The following RAD50 variants were observed in gnomAD, a reference collection of about 807,000 sequenced individuals.
RAD50 encodes RAD50 double strand break repair protein.
RAD50 carries 132 observed loss-of-function variants against 168.8 expected under a neutral mutation model. The ratio of observed to expected loss-of-function variants is 0.78; its 90% CI spans 0.68 to 0.90. The LOEUF (loss-of-function observed/expected upper bound fraction) is 0.90, where lower values mean the gene tolerates loss of function less well. Ranked by LOEUF, RAD50 falls within the 40% of genes least tolerant of loss-of-function variation. RAD50 has a pLI of 0.00. For missense variants in RAD50, 1,347 were observed against 1,534.4 expected, an observed-to-expected ratio of 0.88 and a Z score of 2.04; for synonymous variants, 525 against 497.4, an observed-to-expected ratio of 1.06 and a Z score of -0.74.
intron 16 of RAD50, among the ~76,000 whole-genome samples, chr5:132,605,892 C>T (rs560097204): frequency 3.3e-5 from 5 of 152,164 alleles, no homozygotes; most frequent in African/African-American, 9.6e-5. Flanking sequence ...GGTTAAATAA[C>T]GAAATGAAGG....
chr5:132,620,220 A>G (rs994529877), intron 21 of RAD50, among the ~76,000 whole-genome samples: 3 of 152,214 alleles, frequency 2.0e-5, no homozygotes, highest in East Asian at 1.9e-4. Flanking sequence ...ATTTTTGTCT[A>G]AAAGTTTTAA....
rs961209435 is a variant in RAD50, at chr5:132,557,208, C to T, written c.-117C>T. 2.8e-5 allele frequency: 40 copies of T among 1,430,578 alleles called. No individual in the cohort carries two copies. The highest frequency in any genetic ancestry group is 3.8e-5 in the Non-Finnish European group (39 of 1,017,950). The allele number at this position is 1,430,578 out of a possible 1,614,324, so 88.6% of individuals were successfully genotyped here. ...GCAGTCCTGTGGCCTCGCTCCCCGC[C>T]CGGATCCTCCTGACCCTGAGATTCG... On this transcript the variant is annotated 5_prime_UTR_variant, in exon 1 of 25. Coordinates refer to ENST00000378823, the MANE Select transcript of RAD50 (RefSeq NM_005732.4).
intron 21 of RAD50, chr5:132,631,019 G>C (rs1751453701): frequency 6.6e-6 from 1 of 151,770 alleles, no homozygotes; most frequent in Admixed American, 6.6e-5. Flanking sequence ...GATTGTTACT[G>C]AAATTTTTAA....
At chr5:132,628,373 A>T (rs1402309731) in intron 21 of RAD50, among the ~76,000 whole-genome samples, 1 of 152,228 alleles carries the variant, frequency 6.6e-6, no homozygotes, top group Non-Finnish European at 1.5e-5. Context: ...GGTATCTTGA[A>T]AACCAAGTGA....
chr5:132,605,004 G>T lies in RAD50; in HGVS notation c.2718+5G>T. ...TCTTTGTACAGAGAGATAAAGGTAA[G>T]AATATCCATACATGTTTTTTGTAAA... On this transcript the variant is annotated splice_donor_5th_base_variant and intron_variant, in intron 16 of 24. Transcript: ENST00000378823. The T allele has an allele frequency of 6.3e-7, 1 of 1,577,880 alleles. No homozygotes were observed. Among genetic ancestry groups the T allele is most frequent in the South Asian group, 1.1e-5 (1 of 88,246 alleles).
At position 132,588,080 on chromosome 5, in the gene RAD50, G is replaced by A. The variant is rs764034690; in HGVS notation, c.1042G>A (p.Val348Ile). 1 of 1,611,342 alleles carries A rather than the reference G, an allele frequency of 6.2e-7. No homozygotes were observed. The highest frequency in any genetic ancestry group is 2.2e-5 in the East Asian group (1 of 44,750). Residue 348 changes from valine to isoleucine, a missense_variant, in exon 7 of 25, where the codon GTT becomes ATT. Physicochemically the swap from Val to Ile is conservative, Grantham distance 29. Coordinates refer to ENST00000378823, the MANE Select transcript of RAD50 (RefSeq NM_005732.4). Reference sequence around the variant, plus strand: ...CAATCAGGAAAAATCAGAACTGCTTGTTGAACAGGGTAGGACAAAATGTTT... The same window carrying A: ...CAATCAGGAAAAATCAGAACTGCTTATTGAACAGGGTAGGACAAAATGTTT... ...LLNQEKSELL[V>I]EQGRLQLQAD...
intron 20 of RAD50, among the ~76,000 whole-genome samples, chr5:132,616,548 A>T (rs751457867): frequency 3.3e-5 from 5 of 152,148 alleles, no homozygotes; most frequent in Non-Finnish European, 7.4e-5. Context: ...TCTCATTTGT[A>T]ATTATGTGTC....
chr5:132,608,216 A>G (rs951619494), intron 16 of RAD50, among the ~76,000 whole-genome samples: 3 of 152,246 alleles, frequency 2.0e-5, no homozygotes, highest in Non-Finnish European at 2.9e-5. Context: ...TGCAGCAGTG[A>G]CGGGCACCTA....
Position 132,638,092 on chromosome 5 carries a change from A to T in RAD50, c.3487A>T (p.Ile1163Leu), listed in dbSNP as rs1294482423. The T allele has an allele frequency of 3.1e-6, 5 of 1,614,154 alleles. No individual in the cohort carries two copies. Among genetic ancestry groups the T allele is most frequent in the Non-Finnish European group, 4.2e-6 (5 of 1,179,956 alleles). The change falls in exon 23 of 25, where the codon ATA becomes TTA. Residue 1163 changes from isoleucine (I) to leucine (L), a missense_variant. By Grantham distance (5) the Ile-to-Leu change is conservative (BLOSUM62 2). Transcript: ENST00000378823. ...TCTTCCTGTGTCAGATATTGAATAC[A>T]TAGAAATACGGTCTGATGCCGATGA... The part of the protein sequence containing the change: ...STYRGQDIEY[I>L]EIRSDADENV...
Position 132,591,988 on chromosome 5 carries a change from A to G in RAD50, c.1747A>G (p.Lys583Glu), listed in dbSNP as rs1580994940. ...KKQLEDWLHS[K>E]SKEINQTRDR... The stretch of plus-strand genomic sequence containing the variant: ...ACAGCTTGAAGACTGGCTACATAGT[A>G]AATCAAAAGAAATTAATCAGACCAG... Residue 583 changes from lysine to glutamate, a missense_variant, in exon 11 of 25, where the codon AAA (lysine) becomes GAA (glutamate). This residue lies in a region of RAD50 where 703 missense variants were observed against 767.7 expected (regional missense o/e 0.92). Coordinates refer to ENST00000378823, the MANE Select transcript of RAD50 (RefSeq NM_005732.4). 1 of 1,613,194 alleles carries G rather than the reference A, an allele frequency of 6.2e-7. No homozygotes were observed. Among genetic ancestry groups the G allele is most frequent in the Non-Finnish European group, 8.5e-7 (1 of 1,179,330 alleles).
intron 5 of RAD50, among the ~76,000 whole-genome samples, chr5:132,580,968 A>T (rs902928122): frequency 7.9e-5 from 12 of 152,102 alleles, no homozygotes; most frequent in African/African-American, 2.7e-4. Flanking sequence ...ATATATATAT[A>T]TTTTTAATGA....
At chr5:132,622,285 C>T (rs1270838655) in intron 21 of RAD50, among the ~76,000 whole-genome samples, 1 of 152,084 alleles carries the variant, frequency 6.6e-6, no homozygotes, top group East Asian at 1.9e-4. Context: ...CTCAGCCTCC[C>T]AGATAGCTGG....
At chr5:132,565,350 A>C (rs951362498) in intron 2 of RAD50, among the ~76,000 whole-genome samples, 8 of 151,880 alleles carry the variant, frequency 5.3e-5, no homozygotes, top group African/African-American at 1.9e-4. Flanking sequence ...TAATATATTG[A>C]CTTAATCAAT....
chr5:132,588,631 T>C, intron 7 of RAD50, 56 bp from the exon 8 acceptor site: 1 of 1,496,834 alleles, frequency 6.7e-7, no homozygotes, highest in South Asian at 1.2e-5. Context: ...TCTGCAGCTA[T>C]CTCAACTTTT....
rs876659395 is a variant in RAD50 at position 132,557,426 on chromosome 5, G to C, written c.102G>C (p.Leu34Phe). 1 of 1,614,202 alleles carries C rather than the reference G, an allele frequency of 6.2e-7. No individual in the cohort carries two copies. Among genetic ancestry groups the C allele is most frequent in the South Asian group, 1.1e-5 (1 of 91,088 alleles). The change falls in exon 1 of 25, where the codon TTG (leucine) becomes TTC (phenylalanine). Residue 34 changes from leucine to phenylalanine, a missense_variant. This residue lies in a region of RAD50 where 703 missense variants were observed against 767.7 expected (regional missense o/e 0.92). Coordinates refer to ENST00000378823, the MANE Select transcript of RAD50 (RefSeq NM_005732.4). The part of the protein sequence containing the change: ...IITFFSPLTI[L>F]VGPNGAGKTT... ...CTTTCTTCAGCCCCCTTACAATTTTGGTTGGACCCAATGGGGCGGGAAAGA... is the reference window on the plus strand; with the variant it reads ...CTTTCTTCAGCCCCCTTACAATTTTCGTTGGACCCAATGGGGCGGGAAAGA...
At chr5:132,592,363 G>C (rs1265599996) in intron 11 of RAD50, among the ~76,000 whole-genome samples, 1 of 152,058 alleles carries the variant, frequency 6.6e-6, no homozygotes, top group Admixed American at 6.6e-5. Flanking sequence ...CATAAAAATG[G>C]GTGCCCTTTA....
At chr5:132,627,662 T>G (rs1344601220) in intron 21 of RAD50, among the ~76,000 whole-genome samples, 1 of 152,222 alleles carries the variant, frequency 6.6e-6, no homozygotes, top group African/African-American at 2.4e-5. Context: ...TCCCAGAGTA[T>G]GTCATGCCTT....
At chr5:132,616,166 G>T (rs768629514) in intron 20 of RAD50, 36 bp downstream of exon 20, 1 of 1,588,110 alleles carries the variant, frequency 6.3e-7, no homozygotes, top group South Asian at 1.1e-5. Context: ...TTAAATAAAC[G>T]TCTTTATTAC....
intron 13 of RAD50, among the ~76,000 whole-genome samples, chr5:132,600,874 T>G (rs1047220259): frequency 2.6e-5 from 4 of 152,224 alleles, no homozygotes; most frequent in Admixed American, 6.5e-5. Flanking sequence ...ATTTAATCAT[T>G]GTGCATTGTG....
Sources: allele counts gnomAD v4.1 joint callset (sites outside exome capture counted in the v4.1 genomes callset), GRCh38; gene constraint gnomAD v4.1.1; regional missense constraint gnomAD v4.1.1; transcripts MANE v1.5; gene names NCBI Gene and HGNC (gene_info 2026-07-23, HGNC 2026-07-21).